SLC27A6: variants seen among roughly 807,000 people sequenced by gnomAD.
The protein encoded by SLC27A6 is solute carrier family 27 member 6.
SLC27A6 carries 74 observed loss-of-function variants against 63.9 expected under a neutral mutation model. That is an observed-to-expected ratio of 1.16 (90% CI 0.96 to 1.40). The LOEUF is 1.40. Ranked by LOEUF, SLC27A6 falls within the 40% of genes most tolerant of loss-of-function variation. The pLI, the probability that SLC27A6 is intolerant of heterozygous loss-of-function variation, is 0.00. For missense variants in SLC27A6, 794 were observed against 732.9 expected, an observed-to-expected ratio of 1.08 and a Z score of -0.96; for synonymous variants, 287 against 260.8, an observed-to-expected ratio of 1.10 and a Z score of -0.97.
chr5:128,973,197 G>C (rs1750250862), intron 1 of SLC27A6, among the ~76,000 whole-genome samples: 1 of 152,176 alleles, frequency 6.6e-6, no homozygotes, highest in African/African-American at 2.4e-5. Context: ...CCTACTGGGA[G>C]ATGTCTCCCA....
intron 4 of SLC27A6, among the ~76,000 whole-genome samples, chr5:129,006,753 G>C (rs1751554477): frequency 6.6e-6 from 1 of 152,060 alleles, no homozygotes; most frequent in Non-Finnish European, 1.5e-5. Context: ...TCTTTTGTAA[G>C]TGTCATGTTT....
At chr5:129,010,139 A>C (rs770871221) in intron 4 of SLC27A6, among the ~76,000 whole-genome samples, 36 of 152,194 alleles carry the variant, frequency 2.4e-4, no homozygotes, top group Non-Finnish European at 4.4e-4. Flanking sequence ...CTTGTTTCCC[A>C]AAAACAGAAT....
intron 4 of SLC27A6, among the ~76,000 whole-genome samples, chr5:128,993,564 T>C (rs1233876673): frequency 6.6e-6 from 1 of 152,242 alleles, no homozygotes; most frequent in African/African-American, 2.4e-5. Flanking sequence ...TGTACTCATT[T>C]ATTTGTCTGG....
At chr5:128,970,225 C>CT (rs36175436) in intron 1 of SLC27A6, among the ~76,000 whole-genome samples, 1 of 151,880 alleles carries the variant, frequency 6.6e-6, no homozygotes, top group Middle Eastern at 3.4e-3. Flanking sequence ...CTAAAATTCT[C>CT]TTTTTTTGTT....
chr5:128,975,805 A>C (rs774452264), intron 1 of SLC27A6, among the ~76,000 whole-genome samples: 1 of 152,168 alleles, frequency 6.6e-6, no homozygotes, highest in Non-Finnish European at 1.5e-5. Context: ...TTTGCTCCTG[A>C]CAGTATTCAA....
At chr5:129,003,695 C>T (rs996722281) in intron 4 of SLC27A6, among the ~76,000 whole-genome samples, 4 of 151,796 alleles carry the variant, frequency 2.6e-5, no homozygotes, top group African/African-American at 7.3e-5. Context: ...ATTAGGTAGG[C>T]GTGGTGACAC....
chr5:128,978,839 G>T (rs1207641646), intron 1 of SLC27A6, among the ~76,000 whole-genome samples: 4 of 152,130 alleles, frequency 2.6e-5, no homozygotes, highest in African/African-American at 9.7e-5. Flanking sequence ...GGTCCCATAA[G>T]ATTGTAATAC....
chr5:129,033,259 A>G lies in SLC27A6; in HGVS notation c.1837A>G (p.Met613Val), dbSNP rs1752468277. ...GACCAGGGAACTTTATGATCAAATA[A>G]TGTTAGGGGAAATAAAACTTTAAGA... is the stretch of plus-strand genomic sequence containing the variant. ...LLTRELYDQI[M>V]LGEIKL Residue 613 changes from methionine (M) to valine (V), a missense_variant, in exon 10 of 10, where the codon ATG becomes GTG. Met to Val is a conservative substitution (Grantham distance 21). Transcript: ENST00000262462. 12 of 1,571,404 alleles carry G rather than the reference A, an allele frequency of 7.6e-6. No homozygotes were observed. Among genetic ancestry groups the G allele is most frequent in the Non-Finnish European group, 9.5e-6 (11 of 1,158,722 alleles).
At position 128,985,220 on chromosome 5, in the gene SLC27A6, T is replaced by A. The variant is rs775980743; in HGVS notation, c.569T>A (p.Val190Glu). Residue 190 changes from valine (V) to glutamate (E), a missense_variant, in exon 2 of 10, where the codon GTA becomes GAA. Val to Glu is a moderately radical substitution (Grantham distance 121, BLOSUM62 -2). Transcript: ENST00000262462. ...WGMKDSVPQG[V>E]ISLKEKLSTS... is the part of the protein sequence containing the mutation. The stretch of plus-strand genomic sequence containing the variant: ...ATGAAAGATTCTGTTCCACAAGGTG[T>A]AATTTCACTCAAAGAAAAACTGAGC... The A allele has an allele frequency of 2.0e-5, 33 of 1,613,816 alleles. No individual in the cohort carries two copies. The highest frequency in any genetic ancestry group is 2.5e-5 in the Non-Finnish European group (30 of 1,179,906).
intron 1 of SLC27A6, among the ~76,000 whole-genome samples, chr5:128,972,112 G>A (rs1280071851): frequency 6.6e-6 from 1 of 152,238 alleles, no homozygotes; most frequent in South Asian, 2.1e-4. Flanking sequence ...CTGGCTTGTA[G>A]AGTTTCTGCC....
intron 9 of SLC27A6, among the ~76,000 whole-genome samples, chr5:129,031,625 C>T (rs970116771): frequency 2.0e-4 from 31 of 151,780 alleles, no homozygotes; most frequent in African/African-American, 7.2e-4. Flanking sequence ...TTTTTTATTT[C>T]TAGTGTTAAA....
At chr5:128,968,573 T>C (rs1176474242) in intron 1 of SLC27A6, among the ~76,000 whole-genome samples, 3 of 152,244 alleles carry the variant, frequency 2.0e-5, no homozygotes, top group Non-Finnish European at 4.4e-5. Context: ...TGGAGAAGTG[T>C]CTGTTCATAT....
intron 4 of SLC27A6, among the ~76,000 whole-genome samples, chr5:129,008,689 T>C (rs553206635): frequency 1.3e-5 from 2 of 152,278 alleles, no homozygotes; most frequent in African/African-American, 4.8e-5. Flanking sequence ...AGAACTGCTG[T>C]GGGTTATATT....
At chr5:128,987,935 C>T (rs1268775459) in intron 2 of SLC27A6, among the ~76,000 whole-genome samples, 1 of 151,822 alleles carries the variant, frequency 6.6e-6, no homozygotes, top group East Asian at 1.9e-4. Context: ...ACTGAAAAAG[C>T]CTAAAAATTT....
chr5:129,016,775 A>G (rs1212143137), intron 5 of SLC27A6, among the ~76,000 whole-genome samples: 1 of 152,004 alleles, frequency 6.6e-6, no homozygotes, highest in Non-Finnish European at 1.5e-5. Context: ...CGTTTATACC[A>G]CTCAATTCTA....
At chr5:129,028,804 A>G (rs1486191513) in intron 8 of SLC27A6, among the ~76,000 whole-genome samples, 1 of 151,940 alleles carries the variant, frequency 6.6e-6, no homozygotes, top group Non-Finnish European at 1.5e-5. Flanking sequence ...TCTATTTTAA[A>G]TGTTTAAAAA....
intron 2 of SLC27A6, 22 bp from the exon 3 acceptor site, chr5:128,988,578 C>A: frequency 6.2e-7 from 1 of 1,606,412 alleles, no homozygotes; most frequent in Non-Finnish European, 8.5e-7. Context: ...TATATATTTC[C>A]TGTTCTTTTC....
Position 129,023,663 on chromosome 5 carries a change from A to T in SLC27A6, c.1208A>T (p.Asp403Val). The T allele has an allele frequency of 6.2e-7, 1 of 1,610,754 alleles. No homozygotes were observed. Among genetic ancestry groups the T allele is most frequent in the African/African-American group, 1.3e-5 (1 of 74,728 alleles). ...TTAATAAAGTATGACTTTCAGAAAG[A>T]TGAACCCATGAGAAATGAGCAGGGT... ...FDLIKYDFQK[D>V]EPMRNEQGWC... The change falls in exon 6 of 10, where the codon GAT becomes GTT. Residue 403 changes from aspartate (D) to valine (V), a missense_variant. Physicochemically the swap from Asp to Val is radical, Grantham distance 152. Transcript: ENST00000262462.
At chr5:129,019,040 C>T (rs1409994399) in intron 5 of SLC27A6, among the ~76,000 whole-genome samples, 2 of 152,010 alleles carry the variant, frequency 1.3e-5, no homozygotes, top group African/African-American at 2.4e-5. Context: ...AATGGAGGCT[C>T]ATGCTTATTA....
Sources: allele counts gnomAD v4.1 joint callset (sites outside exome capture counted in the v4.1 genomes callset), GRCh38; gene constraint gnomAD v4.1.1; transcripts MANE v1.5; gene names NCBI Gene and HGNC (gene_info 2026-07-23, HGNC 2026-07-21).